Variants in FAM83F observed in about 807,000 individuals in gnomAD.
FAM83F encodes the protein protein FAM83F.
FAM83F carries 45 observed loss-of-function variants against 42.9 expected under a neutral mutation model. That is an observed-to-expected ratio of 1.05 (90% CI 0.83 to 1.35). The LOEUF is 1.35. FAM83F is among the 40% of genes most tolerant of loss of function. The probability of loss-of-function intolerance (pLI) is 0.00; values close to 1 mark genes in which losing one functional copy is unlikely to be tolerated. For missense variants in FAM83F, 617 were observed against 695.9 expected, an observed-to-expected ratio of 0.89 and a Z score of 1.28; for synonymous variants, 306 against 298.3, an observed-to-expected ratio of 1.03 and a Z score of -0.27.
rs1211913946 is a variant in FAM83F at position 40,020,016 on chromosome 22, G to C, written c.779+8G>C. ...GGCCACTGGATCTTACAGGTGAGTT[G>C]GGCCGGATCAAAGAAGGGCCCAGGA... is the stretch of plus-strand genomic sequence containing the variant. On this transcript the variant is annotated splice_region_variant and intron_variant, in intron 3 of 4. Transcript: ENST00000333407. The C allele has an allele frequency of 1.2e-6, 2 of 1,608,782 alleles. No individual in the cohort carries two copies. The highest frequency in any genetic ancestry group is 1.7e-6 in the Non-Finnish European group (2 of 1,177,930).
intron 1 of FAM83F, among the ~76,000 whole-genome samples, chr22:40,008,195 G>A: frequency 6.6e-6 from 1 of 152,248 alleles, no homozygotes; most frequent in Non-Finnish European, 1.5e-5. Flanking sequence ...GGCAGGGCCT[G>A]CTGGGCACGG....
At position 40,031,069 on chromosome 22, in the gene FAM83F, G is replaced by A. The variant is rs1309065055; in HGVS notation, c.*1504G>A. 1 of 152,250 alleles carries A rather than the reference G, an allele frequency of 6.6e-6. No homozygotes were observed. Among genetic ancestry groups the A allele is most frequent in the Non-Finnish European group, 1.5e-5 (1 of 68,072 alleles). The allele number at this position is 152,250 out of a possible 1,614,324, so 9.4% of individuals were successfully genotyped here. Reference sequence around the variant, plus strand: ...GGGGAGGGGAAGGGAAAGGAAGGGTGAGCCTGTCCCCAGGGTCTTCTCTGT... The same window carrying A: ...GGGGAGGGGAAGGGAAAGGAAGGGTAAGCCTGTCCCCAGGGTCTTCTCTGT... On this transcript the variant is annotated 3_prime_UTR_variant, in exon 5 of 5. Transcript: ENST00000333407.
At chr22:40,014,413 C>T (rs1415624099) in intron 1 of FAM83F, among the ~76,000 whole-genome samples, 2 of 152,012 alleles carry the variant, frequency 1.3e-5, no homozygotes, top group Non-Finnish European at 2.9e-5. Context: ...ATGATTTCTT[C>T]CTCTCGACCC....
At chr22:40,005,962 G>A (rs774877286) in intron 1 of FAM83F, among the ~76,000 whole-genome samples, 8 of 152,230 alleles carry the variant, frequency 5.3e-5, no homozygotes, top group Non-Finnish European at 7.3e-5. Flanking sequence ...TGTTGTAGCC[G>A]GGCGCGGTGG....
rs1376665723 is a variant in FAM83F at position 40,021,803 on chromosome 22, G to A, written c.1293G>A (p.Glu431=). The A allele has an allele frequency of 1.9e-6, 3 of 1,612,574 alleles. No homozygotes were observed. The highest frequency in any genetic ancestry group is 2.5e-6 in the Non-Finnish European group (3 of 1,179,668). Residue 431 remains glutamate (E), a synonymous_variant, in exon 4 of 5, where the codon GAG becomes GAA. Coordinates refer to ENST00000333407, the MANE Select transcript of FAM83F (RefSeq NM_138435.4). This position sits in a 1 kb window ranked among gnomAD's most constrained non-coding sequence, Gnocchi z 8.7. ...GCATGGGAGAAGCGGCCCGGGGGGA[G>A]GCCGCCCCCGCCAGGCGCTTCAGCA... ...RNGMGEAARG[E]AAPARRFSSR...
intron 1 of FAM83F, among the ~76,000 whole-genome samples, chr22:40,016,878 G>T (rs1019930969): frequency 6.6e-6 from 1 of 151,916 alleles, no homozygotes; most frequent in Non-Finnish European, 1.5e-5. Flanking sequence ...TGGCCAGGCT[G>T]GTTTCGAACT....
intron 1 of FAM83F, among the ~76,000 whole-genome samples, chr22:39,999,814 G>A (rs943062439): frequency 6.6e-6 from 1 of 152,222 alleles, no homozygotes; most frequent in Non-Finnish European, 1.5e-5. Flanking sequence ...GGTTGAGGAA[G>A]GAGGGTAACC....
intron 4 of FAM83F, among the ~76,000 whole-genome samples, chr22:40,026,881 A>T (rs1176645737): frequency 6.6e-6 from 1 of 152,014 alleles, no homozygotes; most frequent in Non-Finnish European, 1.5e-5. Context: ...CAGGTCTCAG[A>T]TCTCTCTCTT....
In FAM83F at chr22:39,995,361, T is replaced by A. The variant is rs755205792; in HGVS notation, c.319T>A (p.Tyr107Asn). Residue 107 changes from tyrosine to asparagine, a missense_variant, in exon 1 of 5, where the codon TAC (tyrosine) becomes AAC (asparagine). Coordinates refer to ENST00000333407, the MANE Select transcript of FAM83F (RefSeq NM_138435.4). This position sits in a 1 kb window ranked among gnomAD's most constrained non-coding sequence, Gnocchi z 4.6. ...GGCTGAGTCCGGCGAGTCCCTGGCC[T>A]ACTGGCCCGACCGTTCCGACACCGA... is the stretch of plus-strand genomic sequence containing the variant. ...APAESGESLAYWPDRSDTEVP... is the reference protein window; with the variant it reads ...APAESGESLANWPDRSDTEVP... 2 of 1,544,036 alleles carry A rather than the reference T, an allele frequency of 1.3e-6. No homozygotes were observed. The highest frequency in any genetic ancestry group is 1.7e-6 in the Non-Finnish European group (2 of 1,146,578).
In FAM83F at chr22:40,021,039, A is replaced by T. The variant is rs1569234621; in HGVS notation, c.780-251A>T. On this transcript the variant is annotated intron_variant, in intron 3 of 4. Transcript: ENST00000333407. The surrounding 1 kb of genome is among the most constrained non-coding windows in gnomAD (Gnocchi z 8.7). ...TACAAGGCACATGAGAATATAAACCAGGTTTAAATGCAGGCCTGACTTCCC... is the reference window on the plus strand; with the variant it reads ...TACAAGGCACATGAGAATATAAACCTGGTTTAAATGCAGGCCTGACTTCCC... Among the ~76,000 whole-genome samples, 1 of 152,216 alleles carries T rather than the reference A, an allele frequency of 6.6e-6. No individual in the cohort carries two copies. The highest frequency in any genetic ancestry group is 6.5e-5 in the Admixed American group (1 of 15,284).
At chr22:40,010,664 C>G (rs1056072465) in intron 1 of FAM83F, among the ~76,000 whole-genome samples, 2 of 152,188 alleles carry the variant, frequency 1.3e-5, no homozygotes, top group African/African-American at 4.8e-5. Context: ...TTCTGCAAAC[C>G]GGTCAAGCTG....
intron 1 of FAM83F, among the ~76,000 whole-genome samples, chr22:39,996,200 C>T (rs1390743314): frequency 6.6e-6 from 1 of 152,184 alleles, no homozygotes; most frequent in African/African-American, 2.4e-5. Flanking sequence ...AGGGCTCCTA[C>T]TTAGCATATG....
In FAM83F at chr22:40,037,938, T is replaced by C. The variant is rs1386308912; in HGVS notation, c.*8373T>C. The C allele has an allele frequency of 6.6e-6, 1 of 152,054 alleles. No homozygotes were observed. Among genetic ancestry groups the C allele is most frequent in the Non-Finnish European group, 1.5e-5 (1 of 68,058 alleles). 9.4% of individuals were successfully genotyped at this position (152,054 alleles called of 1,614,324 possible). Reference sequence around the variant, plus strand: ...TTGCTATGTTGTCTAGGCTGGTCTCTAACTCCTGGGCTCAAGTGATCCTCC... The same window carrying C: ...TTGCTATGTTGTCTAGGCTGGTCTCCAACTCCTGGGCTCAAGTGATCCTCC... On this transcript the variant is annotated 3_prime_UTR_variant, in exon 5 of 5. Transcript: ENST00000333407.
At position 40,018,605 on chromosome 22, in the gene FAM83F, A is replaced by ATT. The variant is rs5845446; in HGVS notation, c.490-548_490-547dup. ...AGGTGCCTGCCACCACGCCTGGCTA[A>ATT]TTTTTTTTTTTTTTTTCGCTCTTGT... On this transcript the variant is annotated intron_variant, in intron 1 of 4. Coordinates refer to ENST00000333407, the MANE Select transcript of FAM83F (RefSeq NM_138435.4). 5.6e-3 allele frequency among the ~76,000 whole-genome samples: 759 copies of ATT among 135,502 alleles called. 6 individuals are homozygous for ATT. The highest frequency in any genetic ancestry group is 7.3e-3 in the Non-Finnish European group (459 of 63,074). 88.9% of individuals were successfully genotyped at this position (135,502 alleles called of 152,430 possible).
At chr22:40,015,833 TG>T (rs1161535486) in intron 1 of FAM83F, among the ~76,000 whole-genome samples, 1 of 152,264 alleles carries the variant, frequency 6.6e-6, no homozygotes, top group Non-Finnish European at 1.5e-5. Context: ...TTAGTTATTT[TG>T]TGCAAAGGTC....
At chr22:40,015,987 C>G (rs1186688471) in intron 1 of FAM83F, among the ~76,000 whole-genome samples, 1 of 152,120 alleles carries the variant, frequency 6.6e-6, no homozygotes, top group East Asian at 1.9e-4. Context: ...AAGGAAGACT[C>G]TGAGGCAAAA....
rs1387571013 is a variant in FAM83F at position 40,039,997 on chromosome 22, G to T, written c.*10432G>T. The stretch of plus-strand genomic sequence containing the variant: ...GCCATTATTTAAAAAGCTAGGATAA[G>T]AAAATAGAGAAGAAAGGGAAGGAAG... On this transcript the variant is annotated 3_prime_UTR_variant, in exon 5 of 5. Coordinates refer to ENST00000333407, the MANE Select transcript of FAM83F (RefSeq NM_138435.4). The T allele has an allele frequency of 6.6e-6, 1 of 152,248 alleles. No individual in the cohort carries two copies. The highest frequency in any genetic ancestry group is 1.5e-5 in the Non-Finnish European group (1 of 68,058). The allele number at this position is 152,248 out of a possible 1,614,324, so 9.4% of individuals were successfully genotyped here.
intron 1 of FAM83F, among the ~76,000 whole-genome samples, chr22:40,006,058 G>T (rs1046409590): frequency 6.6e-6 from 1 of 152,288 alleles, no homozygotes. Context: ...TGGCCAACAT[G>T]GCGAAGCCCC....
chr22:39,997,730 G>A (rs947321514), intron 1 of FAM83F, among the ~76,000 whole-genome samples: 8 of 152,194 alleles, frequency 5.3e-5, no homozygotes, highest in African/African-American at 9.6e-5. Flanking sequence ...AAGAGCTGTC[G>A]TGGGGGGAGG....
Sources: allele counts gnomAD v4.1 joint callset (sites outside exome capture counted in the v4.1 genomes callset), GRCh38; gene constraint gnomAD v4.1.1; non-coding constraint Gnocchi (gnomAD v3.1); transcripts MANE v1.5; gene names NCBI Gene and HGNC (gene_info 2026-07-23, HGNC 2026-07-21).